The following CACNA1H variants were observed in gnomAD, a reference collection of about 807,000 sequenced individuals.
The protein encoded by CACNA1H is calcium voltage-gated channel subunit alpha1 H, also known as voltage-dependent T-type calcium channel subunit alpha-1H.
Under a neutral mutation model 192.5 loss-of-function variants are expected in CACNA1H, and 149 were observed. The ratio of observed to expected loss-of-function variants is 0.77; its 90% CI spans 0.68 to 0.89. CACNA1H has a LOEUF of 0.89. Ranked by LOEUF, CACNA1H falls within the 40% of genes least tolerant of loss-of-function variation. The pLI is 0.00. For missense variants in CACNA1H, 4,257 were observed against 3,423.5 expected (o/e 1.24, Z -6.08); for synonymous variants, 2,202 against 1,475.2 (o/e 1.49, Z -11.29).
chr16:1,221,749 A>G lies in CACNA1H; in HGVS notation c.*755A>G, dbSNP rs1323310085. 23 of 1,554,806 alleles carry G rather than the reference A, an allele frequency of 1.5e-5. No individual in the cohort carries two copies. The highest frequency in any genetic ancestry group is 5.6e-5 in the Admixed American group (3 of 53,130). ...AGAGGGAGGGGGCGGAGCGGAATAA[A>G]TAGTAACTTATTTAAGAAATGCACT... On this transcript the variant is annotated 3_prime_UTR_variant, in exon 35 of 35. Transcript: ENST00000348261.
At chr16:1,195,330 GGGTGT>G in intron 3 of CACNA1H, 97 bp from the exon 4 acceptor site, 1 of 1,461,146 alleles carries the variant, frequency 6.8e-7, no homozygotes, top group Non-Finnish European at 9.2e-7. Context: ...GCGGGGCGAG[GGGTGT>G]GGCAAGACTG....
At chr16:1,173,337 C>T (rs1021157092) in intron 2 of CACNA1H, among the ~76,000 whole-genome samples, 6 of 152,114 alleles carry the variant, frequency 3.9e-5, no homozygotes, top group African/African-American at 7.2e-5. Context: ...GATGCCCTTC[C>T]GGAGTGTGGG....
chr16:1,189,816 G>A (rs149433241), intron 2 of CACNA1H, among the ~76,000 whole-genome samples: 1 of 152,148 alleles, frequency 6.6e-6, no homozygotes, highest in Non-Finnish European at 1.5e-5. Context: ...CACCGAGGGG[G>A]TCTTCAGCCC....
chr16:1,160,425 G>T (rs1470395058), intron 2 of CACNA1H, among the ~76,000 whole-genome samples: 1 of 152,186 alleles, frequency 6.6e-6, no homozygotes, highest in Non-Finnish European at 1.5e-5. Flanking sequence ...GGCCGCCTCG[G>T]TCAGAGATGG....
chr16:1,155,427 C>A (rs1317790811), intron 2 of CACNA1H, among the ~76,000 whole-genome samples: 1 of 152,162 alleles, frequency 6.6e-6, no homozygotes. Flanking sequence ...GGTCATGCCC[C>A]TTTGTTCTGG....
intron 30 of CACNA1H, among the ~76,000 whole-genome samples, chr16:1,216,427 T>C (rs1970031977): frequency 6.6e-6 from 1 of 151,136 alleles, no homozygotes; most frequent in South Asian, 2.1e-4. Context: ...GTGCAAATGC[T>C]GGGGCTGGTG....
At chr16:1,218,713 G>C (rs1174799153) in intron 33 of CACNA1H, 62 bp downstream of exon 33, 1 of 1,402,978 alleles carries the variant, frequency 7.1e-7, no homozygotes, top group Admixed American at 2.2e-5. Context: ...GAAGATGGGG[G>C]CAGGTGGGAG....
rs1357359996 is a variant in CACNA1H, at chr16:1,210,949, C to T, written c.4201C>T (p.Leu1401=). ...ILGVLRVLRL[L]RTLRPLRVIS... ...GGGTGTTCTGCGCGTGCTGCGTCTG[C>T]TGCGGACCCTGCGGCCTCTGAGGTG... The change falls in exon 21 of 35, where the codon CTG becomes TTG. Residue 1401 remains leucine, a synonymous_variant. Transcript: ENST00000348261. The T allele has an allele frequency of 4.4e-6, 7 of 1,597,618 alleles. No individual in the cohort carries two copies. In the African/African-American group the frequency reaches 6.7e-5, roughly 15 times the overall value.
intron 2 of CACNA1H, among the ~76,000 whole-genome samples, chr16:1,173,087 C>T (rs1964527278): frequency 1.3e-5 from 2 of 152,076 alleles, no homozygotes; most frequent in Non-Finnish European, 2.9e-5. Flanking sequence ...GCTGGGAAGC[C>T]CAAGTGTCCT....
In CACNA1H at chr16:1,210,218, G is replaced by A. The variant is rs570768622; in HGVS notation, c.3845+83G>A. 13 of 1,297,664 alleles carry A rather than the reference G, an allele frequency of 1.0e-5. No homozygotes were observed. In the Admixed American group the frequency reaches 1.8e-4, roughly 18 times the overall value. 80.4% of individuals were successfully genotyped at this position (1,297,664 alleles called of 1,614,324 possible). On this transcript the variant is annotated intron_variant, in intron 18 of 34. Transcript: ENST00000348261. ...CCCAGGTCCCTCCTGGGTGGGGCTAGCACATGGTGGATATTTCCGAGTGGG... is the reference window on the plus strand; with the variant it reads ...CCCAGGTCCCTCCTGGGTGGGGCTAACACATGGTGGATATTTCCGAGTGGG...
chr16:1,172,818 G>T (rs1964502538), intron 2 of CACNA1H, among the ~76,000 whole-genome samples: 1 of 152,116 alleles, frequency 6.6e-6, no homozygotes, highest in African/African-American at 2.4e-5. Context: ...GCCCAGGGCT[G>T]TGGGCTGGGA....
At chr16:1,177,141 A>G (rs918622124) in intron 2 of CACNA1H, among the ~76,000 whole-genome samples, 1 of 152,032 alleles carries the variant, frequency 6.6e-6, no homozygotes, top group African/African-American at 2.4e-5. Context: ...CCTTTTTGTC[A>G]TTCCACTGAC....
chr16:1,167,647 C>T lies in CACNA1H; in HGVS notation c.299+13611C>T, dbSNP rs770285482. 6.6e-6 allele frequency among the ~76,000 whole-genome samples: 1 copy of T among 152,170 alleles called. No homozygotes were observed. On this transcript the variant is annotated intron_variant, in intron 2 of 34. Transcript: ENST00000348261. The surrounding 1 kb of genome is among the most constrained non-coding windows in gnomAD (Gnocchi z 4.2). ...TAATCCCCAGCTGCTCCTGGTTGAC[C>T]GGCCCGGCCTGTGTTACATAAAGCG...
intron 2 of CACNA1H, among the ~76,000 whole-genome samples, chr16:1,161,057 A>G (rs1963136949): frequency 6.6e-6 from 1 of 152,104 alleles, no homozygotes; most frequent in Non-Finnish European, 1.5e-5. Flanking sequence ...CAAGGTGTGT[A>G]GACCTGACAC....
rs187646585 is a variant in CACNA1H, at chr16:1,177,481, T to C, written c.300-17491T>C. 5.3e-5 allele frequency among the ~76,000 whole-genome samples: 8 copies of C among 152,152 alleles called. No individual in the cohort carries two copies. The East Asian group carries it at 1.5e-3, about 29-fold the overall frequency. ...CTAGCGGCTCACGGTCACACGTCTGTCATAGGTTTGAGGGCTGAATTCTGA... is the reference window on the plus strand; with the variant it reads ...CTAGCGGCTCACGGTCACACGTCTGCCATAGGTTTGAGGGCTGAATTCTGA... On this transcript the variant is annotated intron_variant, in intron 2 of 34. Coordinates refer to ENST00000348261, the MANE Select transcript of CACNA1H (RefSeq NM_021098.3).
At position 1,184,022 on chromosome 16, in the gene CACNA1H, A is replaced by G. The variant is rs1038758259; in HGVS notation, c.300-10950A>G. ...TGCTTCATCGGATGCCAGGGACAGA[A>G]GAGTCAAGGCCAGCCGGGCTGTGCC... On this transcript the variant is annotated intron_variant, in intron 2 of 34. Coordinates refer to ENST00000348261, the MANE Select transcript of CACNA1H (RefSeq NM_021098.3). 2.0e-5 allele frequency among the ~76,000 whole-genome samples: 3 copies of G among 152,306 alleles called. No individual in the cohort carries two copies. In the South Asian group the frequency reaches 6.2e-4, roughly 32 times the overall value.
chr16:1,168,502 C>T (rs1964029432), intron 2 of CACNA1H, among the ~76,000 whole-genome samples: 1 of 151,954 alleles, frequency 6.6e-6, no homozygotes, highest in Admixed American at 6.6e-5. Flanking sequence ...CTGCCGGGTG[C>T]CCAGGTCACC....
chr16:1,194,095 C>T (rs940924374), intron 2 of CACNA1H, among the ~76,000 whole-genome samples: 1 of 152,028 alleles, frequency 6.6e-6, no homozygotes, highest in South Asian at 2.1e-4. Flanking sequence ...GGCCTGTGGT[C>T]TGCGCCAGGT....
Position 1,205,229 on chromosome 16 carries a change from C to G in CACNA1H, c.2567C>G (p.Pro856Arg). Residue 856 changes from proline (P) to arginine (R), a missense_variant, in exon 11 of 35, where the codon CCG (proline) becomes CGG (arginine). Coordinates refer to ENST00000348261, the MANE Select transcript of CACNA1H (RefSeq NM_021098.3). ...GGCCCTCTGGGCTACATCCGGAACC[C>G]GTACAACATCTTCGACGGCATCATC... ...ACGPLGYIRN[P>R]YNIFDGIIVV... 1 of 1,611,978 alleles carries G rather than the reference C, an allele frequency of 6.2e-7. No homozygotes were observed. Among genetic ancestry groups the G allele is most frequent in the Middle Eastern group, 1.7e-4 (1 of 6,054 alleles).
Sources: gnomAD v4.1 joint callset for allele counts (sites outside exome capture counted in the v4.1 genomes callset) on GRCh38, gnomAD v4.1.1 for gene constraint, Gnocchi (gnomAD v3.1) non-coding constraint, MANE v1.5 for transcripts, NCBI Gene and HGNC (gene_info 2026-07-23, HGNC 2026-07-21) for gene names.